DMD: variants seen among roughly 807,000 people sequenced by gnomAD.
The protein encoded by DMD is mutant dystrophin.
DMD carries 63 observed loss-of-function variants against 330.1 expected under a neutral mutation model. That is an observed-to-expected ratio of 0.19 (90% CI 0.16 to 0.24). The LOEUF is 0.24. Among genes scored for constraint, DMD ranks in the 10% least tolerant of loss-of-function variants. DMD has a pLI of 1.00. For missense variants in DMD, 3,344 were observed against 2,684.1 expected (o/e 1.25, Z -5.43); for synonymous variants, 1,223 against 959.8 (o/e 1.27, Z -5.07).
intron 44 of DMD, among the ~76,000 whole-genome samples, chrX:32,061,638 C>T (rs956658922): frequency 9.0e-6 from 1 of 111,078 alleles, no homozygotes; most frequent in Non-Finnish European, 1.9e-5. Context: ...CACACCACTG[C>T]TTATAACCTT....
At chrX:32,681,569 A>G (rs2062426423) in intron 9 of DMD, among the ~76,000 whole-genome samples, 1 of 111,854 alleles carries the variant, frequency 8.9e-6, no homozygotes, top group Non-Finnish European at 1.9e-5. Context: ...CCTGAACAAT[A>G]TATTAGATTC....
At chrX:32,937,821 A>G (rs1602063162) in intron 2 of DMD, among the ~76,000 whole-genome samples, 1 of 110,583 alleles carries the variant, frequency 9.0e-6, no homozygotes, top group Non-Finnish European at 1.9e-5. Context: ...TGAGGTAACC[A>G]ATATTATATA....
At chrX:32,069,640 T>C (rs751216087) in intron 44 of DMD, among the ~76,000 whole-genome samples, 3 of 112,127 alleles carry the variant, frequency 2.7e-5, no homozygotes, top group African/African-American at 9.7e-5. Flanking sequence ...TGGTGATAGA[T>C]TAATGACTGC....
At position 32,626,381 on chromosome X, in the gene DMD, T is replaced by G. The variant is rs1362330012; in HGVS notation, c.1332-11928A>C. Among the ~76,000 whole-genome samples the G allele has an allele frequency of 1.6e-4, 15 of 96,376 alleles. 2 individuals are homozygous for G. The highest frequency in any genetic ancestry group is 1.3e-3 in the Admixed American group (13 of 9,722). The allele number at this position is 96,376 out of a possible 115,157, so 83.7% of individuals were successfully genotyped here. On this transcript the variant is annotated intron_variant, in intron 11 of 78. Transcript: ENST00000357033. ...TACTCAGGAGGCTGAGGCAGGAGAA[T>G]CACTTGAACCCGGGGGGACAGAGGT...
chrX:32,411,052 A>G (rs2098139633), intron 30 of DMD, among the ~76,000 whole-genome samples: 1 of 112,237 alleles, frequency 8.9e-6, no homozygotes, highest in Non-Finnish European at 1.9e-5. Context: ...TTTTTATAAA[A>G]CAATATAGAC....
chrX:32,331,694 A>G (rs2097680950), intron 41 of DMD, among the ~76,000 whole-genome samples: 1 of 111,850 alleles, frequency 8.9e-6, no homozygotes, highest in African/African-American at 3.2e-5. Context: ...TAACAGAGCC[A>G]TAATCTAACT....
At chrX:32,836,967 C>T (rs1188828743) in intron 4 of DMD, among the ~76,000 whole-genome samples, 1 of 111,554 alleles carries the variant, frequency 9.0e-6, no homozygotes, top group African/African-American at 3.3e-5. Flanking sequence ...GCGTGTCTTT[C>T]TTTTCTGGCT....
chrX:32,393,394 T>A (rs146445220), intron 30 of DMD, among the ~76,000 whole-genome samples: 1 of 111,538 alleles, frequency 9.0e-6, no homozygotes, highest in African/African-American at 3.3e-5. Context: ...ATTAAATAAC[T>A]TTATGTCCCA....
intron 59 of DMD, among the ~76,000 whole-genome samples, chrX:31,457,986 G>A (rs2066293204): frequency 9.0e-6 from 1 of 111,662 alleles, no homozygotes; most frequent in Non-Finnish European, 1.9e-5. Flanking sequence ...GTTCCTAAAT[G>A]TAATTAATGT....
intron 33 of DMD, among the ~76,000 whole-genome samples, chrX:32,385,090 A>G (rs958529635): frequency 2.7e-5 from 3 of 111,069 alleles, no homozygotes; most frequent in African/African-American, 9.8e-5. Context: ...AAGACCCAGA[A>G]TAGCCAAAGC....
chrX:31,350,356 C>T lies in DMD; in HGVS notation c.9085-1722G>A, dbSNP rs190049868. ...ATTAATGGCTTCCTCAGCATTCTAA[C>T]AGTATATGGTTTATACCTGAAGCAC... On this transcript the variant is annotated intron_variant, in intron 60 of 78. Coordinates refer to ENST00000357033, the MANE Select transcript of DMD (RefSeq NM_004006.3). 9.7e-4 allele frequency among the ~76,000 whole-genome samples: 109 copies of T among 112,064 alleles called. 1 individual carries two copies. The highest frequency in any genetic ancestry group is 1.5e-3 in the Non-Finnish European group (80 of 53,240).
At chrX:31,867,747 AGTGCTCTAG>A (rs949208698) in intron 48 of DMD, among the ~76,000 whole-genome samples, 9 of 111,195 alleles carry the variant, frequency 8.1e-5, no homozygotes, top group Non-Finnish European at 1.3e-4. Context: ...GAACTTTGTT[AGTGCTCTAG>A]GTGCTCTAGG....
Position 31,507,465 on chromosome X carries a change from C to T in DMD, c.8218-12G>A. The T allele has an allele frequency of 8.4e-7, 1 of 1,190,588 alleles. No individual in the cohort carries two copies. Among genetic ancestry groups the T allele is most frequent in the Non-Finnish European group, 1.1e-6 (1 of 882,142 alleles). ...TCACCTTGGAGGTCCTACAGGACAG[C>T]AGGAAGAAGAATATGTGCAGAATTA... is the stretch of plus-strand genomic sequence containing the variant. On this transcript the variant is annotated splice_polypyrimidine_tract_variant and intron_variant, in intron 55 of 78. Coordinates refer to ENST00000357033, the MANE Select transcript of DMD (RefSeq NM_004006.3).
At chrX:32,930,079 C>A (rs565370932) in intron 2 of DMD, among the ~76,000 whole-genome samples, 1 of 111,469 alleles carries the variant, frequency 9.0e-6, no homozygotes, top group South Asian at 3.7e-4. Context: ...CATAGGTTAG[C>A]CTAGCCTATC....
At chrX:31,650,464 TACAA>T (rs1055031622) in intron 54 of DMD, among the ~76,000 whole-genome samples, 2 of 111,432 alleles carry the variant, frequency 1.8e-5, no homozygotes, top group African/African-American at 6.5e-5. Flanking sequence ...TTCATTCAAT[TACAA>T]ACAATTATTG....
At chrX:32,285,486 T>A (rs974684999) in intron 43 of DMD, among the ~76,000 whole-genome samples, 1 of 111,928 alleles carries the variant, frequency 8.9e-6, no homozygotes. Context: ...CAATCATGGC[T>A]CGTGGCAGCC....
At chrX:32,782,707 T>C (rs2074897694) in intron 7 of DMD, among the ~76,000 whole-genome samples, 1 of 110,141 alleles carries the variant, frequency 9.1e-6, no homozygotes. Context: ...TTTGATACAA[T>C]AGGGTGAATA....
chrX:31,769,215 G>T (rs145512298), intron 51 of DMD, among the ~76,000 whole-genome samples: 12 of 111,842 alleles, frequency 1.1e-4, no homozygotes, highest in African/African-American at 3.6e-4. Context: ...GGTTTGGTCT[G>T]AATCTCATAA....
chrX:31,320,261 G>C (rs903363004), intron 62 of DMD, among the ~76,000 whole-genome samples: 3 of 112,425 alleles, frequency 2.7e-5, no homozygotes, highest in African/African-American at 9.7e-5. Flanking sequence ...GCAAACTAGA[G>C]CAAAAGATGT....
Sources: allele counts gnomAD v4.1 joint callset (sites outside exome capture counted in the v4.1 genomes callset), GRCh38; gene constraint gnomAD v4.1.1; transcripts MANE v1.5; gene names NCBI Gene and HGNC (gene_info 2026-07-23, HGNC 2026-07-21).